Variants in HDAC9 observed in about 807,000 individuals in gnomAD.
The protein encoded by HDAC9 is MEF-2 interacting transcription repressor (MITR) protein.
In HDAC9, 41 loss-of-function variants were observed where a neutral mutation model predicts 139.4. The observed-to-expected ratio is 0.29, with a 90% CI of 0.23 to 0.38. The LOEUF is 0.38. Among genes scored for constraint, HDAC9 ranks in the 10% least tolerant of loss-of-function variants. HDAC9 has a pLI of 1.00. For synonymous variants in HDAC9, 517 were observed against 476.2 expected, an observed-to-expected ratio of 1.09 and a Z score of -1.12; for missense variants, 1,147 against 1,297.0, an observed-to-expected ratio of 0.88 and a Z score of 1.78.
chr7:18,289,586 T>TC (rs1461831642), upstream of HDAC9, among the ~76,000 whole-genome samples: 4 of 152,196 alleles, frequency 2.6e-5, no homozygotes, highest in African/African-American at 9.6e-5. Flanking sequence ...ACTTTTTTTT[T>TC]CTAATGCCAC....
intron 6 of HDAC9, among the ~76,000 whole-genome samples, chr7:18,624,391 C>T (rs1246867350): frequency 1.3e-5 from 2 of 152,162 alleles, no homozygotes; most frequent in African/African-American, 4.8e-5. Context: ...ATTGTTTTCA[C>T]TTAAATAATG....
chr7:18,479,956 C>T (rs1440791336), intron 1 of HDAC9, among the ~76,000 whole-genome samples: 2 of 146,962 alleles, frequency 1.4e-5, no homozygotes, highest in South Asian at 2.2e-4. Context: ...TTTCTTCTTT[C>T]TCCTTTATTT....
chr7:18,369,561 GA>G (rs1402554420), intron 1 of HDAC9, among the ~76,000 whole-genome samples: 1 of 151,066 alleles, frequency 6.6e-6, no homozygotes, highest in Admixed American at 6.6e-5. Flanking sequence ...ATTTTATCTT[GA>G]GCTTGATATC....
intron 2 of HDAC9, among the ~76,000 whole-genome samples, chr7:18,190,973 C>T (rs551519327): frequency 6.6e-6 from 1 of 152,288 alleles, no homozygotes; most frequent in African/African-American, 2.4e-5. Context: ...TACTTGAATA[C>T]TATTAAGTGA....
At chr7:18,404,981 AC>A (rs1787877047) in intron 1 of HDAC9, among the ~76,000 whole-genome samples, 1 of 152,152 alleles carries the variant, frequency 6.6e-6, no homozygotes. Context: ...ACTCACACAC[AC>A]CCTCGCACTT....
chr7:18,591,786 T>C, intron 5 of HDAC9, 144 bp downstream of exon 5: 1 of 1,136,984 alleles, frequency 8.8e-7, no homozygotes, highest in East Asian at 2.4e-5. Flanking sequence ...AGGATCAGTT[T>C]CCTTCTCCAT....
chr7:18,098,106 C>G (rs1289412887), intron 1 of HDAC9, among the ~76,000 whole-genome samples: 2 of 152,200 alleles, frequency 1.3e-5, no homozygotes, highest in Admixed American at 1.3e-4. Context: ...CATTACAACT[C>G]AGTCCTTACA....
chr7:18,741,408 A>G (rs537322709), intron 13 of HDAC9, among the ~76,000 whole-genome samples: 2 of 152,314 alleles, frequency 1.3e-5, no homozygotes, highest in African/African-American at 4.8e-5. Context: ...ATGGAACCAC[A>G]AAGCCTGGGT....
At chr7:18,635,738 A>T (rs760193537) in intron 8 of HDAC9, among the ~76,000 whole-genome samples, 5 of 152,060 alleles carry the variant, frequency 3.3e-5, no homozygotes, top group Non-Finnish European at 7.4e-5. Flanking sequence ...GAGTCATGGT[A>T]CCTTGAGACA....
At chr7:18,544,252 G>C (rs1182805707) in intron 2 of HDAC9, among the ~76,000 whole-genome samples, 1 of 152,166 alleles carries the variant, frequency 6.6e-6, no homozygotes, top group East Asian at 1.9e-4. Flanking sequence ...AGTTGATAAA[G>C]ATCTCATAGG....
At chr7:18,336,240 GT>G (rs1298900872) in intron 1 of HDAC9, among the ~76,000 whole-genome samples, 1 of 151,528 alleles carries the variant, frequency 6.6e-6, no homozygotes, top group Admixed American at 6.6e-5. Context: ...TAATGTTGTT[GT>G]TATTATTATA....
At chr7:18,638,935 G>A (rs146140713) in intron 8 of HDAC9, among the ~76,000 whole-genome samples, 7 of 151,996 alleles carry the variant, frequency 4.6e-5, no homozygotes. Flanking sequence ...TGTTAATACT[G>A]TGGGCCTGTG....
chr7:18,088,317 A>G (rs1291625538), intron 1 of HDAC9, among the ~76,000 whole-genome samples: 1 of 152,234 alleles, frequency 6.6e-6, no homozygotes, highest in Non-Finnish European at 1.5e-5. Context: ...TGGTATAACA[A>G]TGCATATACA....
chr7:18,433,261 CTG>C (rs1790853142), intron 1 of HDAC9, among the ~76,000 whole-genome samples: 1 of 152,152 alleles, frequency 6.6e-6, no homozygotes, highest in African/African-American at 2.4e-5. Context: ...ACAAGAGCAT[CTG>C]TGACAAACCC....
rs938026030 is a variant in HDAC9 at position 18,804,633 on chromosome 7, A to T, written c.2322+11181A>T. Among the ~76,000 whole-genome samples the T allele has an allele frequency of 2.0e-5, 3 of 152,336 alleles. No individual in the cohort carries two copies. The East Asian group carries it at 5.8e-4, about 29-fold the overall frequency. ...TGAAATACCTGTGTTGACTCCAATT[A>T]TGACCAAATCCTAAACTGTGGACAA... On this transcript the variant is annotated intron_variant, in intron 17 of 25. Coordinates refer to ENST00000686413, the MANE Select transcript of HDAC9 (RefSeq NM_178425.4).
At chr7:18,570,646 G>T (rs1823974485) in intron 2 of HDAC9, among the ~76,000 whole-genome samples, 2 of 152,042 alleles carry the variant, frequency 1.3e-5, no homozygotes, top group Admixed American at 1.3e-4. Context: ...CCTGTTAGTG[G>T]GTGTGTGACC....
chr7:18,237,641 A>T (rs1793911118), intron 2 of HDAC9, among the ~76,000 whole-genome samples: 3 of 152,216 alleles, frequency 2.0e-5, no homozygotes, highest in African/African-American at 7.2e-5. Context: ...TTTTGAAGGA[A>T]GAACGGATGA....
intron 1 of HDAC9, among the ~76,000 whole-genome samples, chr7:18,306,679 T>A (rs1251790497): frequency 6.6e-6 from 1 of 152,184 alleles, no homozygotes; most frequent in African/African-American, 2.4e-5. Flanking sequence ...TTGCTTACGA[T>A]CTTTGGATGG....
At chr7:18,760,821 T>C (rs1789318573) in intron 14 of HDAC9, among the ~76,000 whole-genome samples, 1 of 152,204 alleles carries the variant, frequency 6.6e-6, no homozygotes, top group Non-Finnish European at 1.5e-5. Flanking sequence ...TGAGAAATTG[T>C]CAGATATTGA....
Sources: allele counts gnomAD v4.1 joint callset (sites outside exome capture counted in the v4.1 genomes callset), GRCh38; gene constraint gnomAD v4.1.1; transcripts MANE v1.5; gene names NCBI Gene and HGNC (gene_info 2026-07-23, HGNC 2026-07-21).